Variants in DPH6 observed in about 807,000 individuals in gnomAD.
DPH6 encodes the protein diphthine--ammonia ligase.
A neutral mutation model predicts 38.2 loss-of-function variants in DPH6; 33 were observed. The observed-to-expected ratio is 0.86, with a 90% CI of 0.65 to 1.15. The LOEUF (loss-of-function observed/expected upper bound fraction) is 1.15, where lower values mean the gene tolerates loss of function less well. DPH6 is among the 50% of genes most tolerant of loss of function. The probability of loss-of-function intolerance (pLI) is 0.00; values close to 1 mark genes in which losing one functional copy is unlikely to be tolerated. For missense variants in DPH6, 325 were observed against 320.0 expected (o/e 1.02, Z -0.12); for synonymous variants, 108 against 103.0 (o/e 1.05, Z -0.30).
At chr15:35,245,534 GC>G (rs1166033676) in intron 3 of DPH6, among the ~76,000 whole-genome samples, 1 of 152,180 alleles carries the variant, frequency 6.6e-6, no homozygotes, top group Non-Finnish European at 1.5e-5. Context: ...CACCACGCTG[GC>G]GGGTCATTGT....
At chr15:35,517,026 C>T (rs2054856695) in intron 3 of DPH6, among the ~76,000 whole-genome samples, 1 of 151,918 alleles carries the variant, frequency 6.6e-6, no homozygotes, top group South Asian at 2.1e-4. Context: ...TCATCACATA[C>T]TTCAATATCA....
chr15:35,369,621 GA>G (rs4041272), downstream of DPH6, among the ~76,000 whole-genome samples: 151 of 130,170 alleles, frequency 1.2e-3, no homozygotes, highest in Middle Eastern at 4.0e-3. Flanking sequence ...CCTGTTATAT[GA>G]AAAAAAAAAA....
intron 3 of DPH6, among the ~76,000 whole-genome samples, chr15:35,485,475 C>T (rs2054385062): frequency 6.6e-6 from 1 of 152,338 alleles, no homozygotes; most frequent in Admixed American, 6.5e-5. Context: ...CTCAAAACAT[C>T]AGCATGGATT....
chr15:35,498,943 TAAAAA>T (rs61542040), intron 3 of DPH6, among the ~76,000 whole-genome samples: 6 of 108,440 alleles, frequency 5.5e-5, no homozygotes, highest in Admixed American at 3.9e-4. Flanking sequence ...CCTCATCTCT[TAAAAA>T]AAAAAAAAAA....
rs2051932685 is a variant in DPH6 at position 35,285,225 on chromosome 15, A to G, written n.201-64643T>C. Among the ~76,000 whole-genome samples, 6 of 152,226 alleles carry G rather than the reference A, an allele frequency of 3.9e-5. No homozygotes were observed. The South Asian group carries it at 1.2e-3, about 32-fold the overall frequency. The stretch of plus-strand genomic sequence containing the variant: ...CCTTGATTTCTTCCTATTTTCCAGT[A>G]CCAATAACTTTTCAAAGAACTTACA... On this transcript the variant is annotated intron_variant and non_coding_transcript_variant, in intron 3 of 3. Coordinates refer to the DPH6 transcript ENST00000560386.
chr15:35,326,764 C>G (rs2052286084), downstream of DPH6, among the ~76,000 whole-genome samples: 1 of 152,084 alleles, frequency 6.6e-6, no homozygotes, highest in Non-Finnish European at 1.5e-5. Flanking sequence ...TGACAAAGTA[C>G]TTGTGTTTTA....
chr15:35,469,804 G>A (rs533833413), intron 3 of DPH6, among the ~76,000 whole-genome samples: 11 of 152,228 alleles, frequency 7.2e-5, no homozygotes, highest in African/African-American at 2.4e-4. Flanking sequence ...GAAGAGATAC[G>A]ATAAAACAGT....
At chr15:35,384,668 AAAT>A (rs757720100) in intron 6 of DPH6, among the ~76,000 whole-genome samples, 4 of 70,088 alleles carry the variant, frequency 5.7e-5, no homozygotes, top group African/African-American at 9.5e-5. Flanking sequence ...TGTCTCAAAA[AAAT>A]AAAAATAAAA....
chr15:35,434,948 T>G (rs2053678352), intron 5 of DPH6, among the ~76,000 whole-genome samples: 2 of 151,674 alleles, frequency 1.3e-5, no homozygotes, highest in Non-Finnish European at 2.9e-5. Flanking sequence ...TATTTTTTTT[T>G]TTTTTTGTAC....
the DPH6 span, among the ~76,000 whole-genome samples, chr15:35,203,894 T>C: frequency 6.6e-6 from 1 of 151,722 alleles, no homozygotes; most frequent in African/African-American, 2.4e-5. Flanking sequence ...AAAATTCTAC[T>C]TTTTCATTAA....
At chr15:35,309,314 T>C (rs917802129) in intron 3 of DPH6, among the ~76,000 whole-genome samples, 5 of 152,166 alleles carry the variant, frequency 3.3e-5, no homozygotes, top group Admixed American at 6.5e-5. Flanking sequence ...GCAAAGGACA[T>C]GATGAAGTAG....
intron 3 of DPH6, chr15:35,238,262 A>T (rs1340288485): frequency 4.9e-5 from 23 of 474,158 alleles, no homozygotes; most frequent in Non-Finnish European, 7.9e-5. Flanking sequence ...TACTATTTTT[A>T]CTGCCAAAAA....
In DPH6 at chr15:35,382,297, A is replaced by G. The variant is rs149988693; in HGVS notation, c.568-381T>C. Among the ~76,000 whole-genome samples, 411 of 151,880 alleles carry G rather than the reference A, an allele frequency of 2.7e-3. 1 individual carries two copies. Among genetic ancestry groups the G allele is most frequent in the African/African-American group, 9.1e-3 (376 of 41,420 alleles). On this transcript the variant is annotated intron_variant, in intron 6 of 8. Transcript: ENST00000256538. ...AAAAATACAAAAAAATTAGCCGGGC[A>G]TGGTGGTGGGCGCCTGCAGTCCCAG...
At chr15:35,511,889 C>T (rs1401076873) in intron 3 of DPH6, among the ~76,000 whole-genome samples, 2 of 151,926 alleles carry the variant, frequency 1.3e-5, no homozygotes, top group Non-Finnish European at 2.9e-5. Flanking sequence ...ACAAAATAAA[C>T]ATTATTTTAT....
chr15:35,363,636 C>T (rs1023314467), intron 3 of DPH6, among the ~76,000 whole-genome samples: 1 of 151,934 alleles, frequency 6.6e-6, no homozygotes, highest in Non-Finnish European at 1.5e-5. Flanking sequence ...TATATTTGCA[C>T]TTAAATATAT....
intron 3 of DPH6, chr15:35,237,602 C>T: frequency 6.2e-7 from 1 of 1,601,814 alleles, no homozygotes; most frequent in East Asian, 2.2e-5. Flanking sequence ...CCTCACGCAT[C>T]TAAATTTATG....
At chr15:35,442,925 CT>C (rs1350586756) in intron 5 of DPH6, among the ~76,000 whole-genome samples, 10 of 152,096 alleles carry the variant, frequency 6.6e-5, no homozygotes, top group Non-Finnish European at 1.5e-4. Context: ...CATGAGATTC[CT>C]TTTTGGGGAA....
At chr15:35,314,291 T>G (rs1030380130) in intron 3 of DPH6, among the ~76,000 whole-genome samples, 1 of 152,208 alleles carries the variant, frequency 6.6e-6, no homozygotes, top group Non-Finnish European at 1.5e-5. Context: ...AATACGTTTT[T>G]AAATACATGT....
chr15:35,526,224 G>A (rs2054999792), intron 3 of DPH6, among the ~76,000 whole-genome samples: 1 of 152,138 alleles, frequency 6.6e-6, no homozygotes, highest in Admixed American at 6.5e-5. Context: ...ATCCGTAAGA[G>A]AACTGGTCTT....
Sources: allele counts gnomAD v4.1 joint callset (sites outside exome capture counted in the v4.1 genomes callset), GRCh38; gene constraint gnomAD v4.1.1; transcripts MANE v1.5; gene names NCBI Gene and HGNC (gene_info 2026-07-23, HGNC 2026-07-21).